Variants in PPARGC1A observed in about 807,000 individuals in gnomAD.
PPARGC1A encodes the protein peroxisome proliferator-activated receptor gamma coactivator 1-alpha.
In PPARGC1A, 25 loss-of-function variants were observed where a neutral mutation model predicts 88.7. The ratio of observed to expected loss-of-function variants is 0.28; its 90% CI spans 0.21 to 0.39. The LOEUF is 0.39. Among genes scored for constraint, PPARGC1A ranks in the 10% least tolerant of loss-of-function variants. The pLI is 1.00. For missense variants in PPARGC1A, 880 were observed against 968.7 expected (o/e 0.91, Z 1.22); for synonymous variants, 363 against 355.6 (o/e 1.02, Z -0.24).
At chr4:24,455,080 A>T in the PPARGC1A span, among the ~76,000 whole-genome samples, 9 of 152,234 alleles carry the variant, frequency 5.9e-5, no homozygotes, top group African/African-American at 2.2e-4. Flanking sequence ...GTAATGTCTA[A>T]AAAAACAAAT....
At chr4:24,185,999 G>GA in the PPARGC1A span, among the ~76,000 whole-genome samples, 20 of 150,986 alleles carry the variant, frequency 1.3e-4, no homozygotes, top group East Asian at 9.7e-4. Context: ...GGGGAAAAAA[G>GA]AAAAAAAAAT....
chr4:24,241,398 C>A, the PPARGC1A span, among the ~76,000 whole-genome samples: 1 of 152,198 alleles, frequency 6.6e-6, no homozygotes, highest in Non-Finnish European at 1.5e-5. Context: ...ACATTTTAAT[C>A]TTCCCTGGCC....
the PPARGC1A span, among the ~76,000 whole-genome samples, chr4:23,964,173 G>T: frequency 6.6e-6 from 1 of 152,146 alleles, no homozygotes; most frequent in Non-Finnish European, 1.5e-5. Flanking sequence ...TTAAATCTTT[G>T]CAACAACTCC....
the PPARGC1A span, among the ~76,000 whole-genome samples, chr4:23,941,887 C>T: frequency 6.6e-6 from 1 of 152,190 alleles, no homozygotes; most frequent in Non-Finnish European, 1.5e-5. Context: ...CCTTTTCCTG[C>T]TTACCTCTAC....
At chr4:24,433,611 T>A in the PPARGC1A span, among the ~76,000 whole-genome samples, 2 of 152,192 alleles carry the variant, frequency 1.3e-5, no homozygotes. Context: ...GCCTTTTAGA[T>A]AACGACTTTC....
the PPARGC1A span, among the ~76,000 whole-genome samples, chr4:24,268,370 C>T: frequency 6.6e-6 from 1 of 152,150 alleles, no homozygotes; most frequent in Admixed American, 6.6e-5. Context: ...TGCTTAAACC[C>T]TCTCTTGTCC....
At chr4:24,242,841 C>G in the PPARGC1A span, among the ~76,000 whole-genome samples, 1 of 152,216 alleles carries the variant, frequency 6.6e-6, no homozygotes, top group Non-Finnish European at 1.5e-5. Context: ...GGGATGCCAG[C>G]CCCTCACCAT....
chr4:24,095,538 T>C, the PPARGC1A span, among the ~76,000 whole-genome samples: 6 of 151,872 alleles, frequency 4.0e-5, no homozygotes, highest in Non-Finnish European at 8.8e-5. Flanking sequence ...CAGAGACAGA[T>C]GTAGACAGGG....
chr4:23,809,780 G>A (rs765587742), intron 10 of PPARGC1A, among the ~76,000 whole-genome samples: 8 of 151,960 alleles, frequency 5.3e-5, no homozygotes, highest in Non-Finnish European at 8.8e-5. Context: ...CAAATTAACC[G>A]TGTGGCTAAA....
At chr4:24,289,796 A>T in the PPARGC1A span, among the ~76,000 whole-genome samples, 151,448 of 152,258 alleles carry the variant, frequency 0.99, 75,332 homozygotes, top group Middle Eastern at 1. Flanking sequence ...AGCTTTTTTT[A>T]AATTTATCTC....
chr4:24,410,513 C>T, the PPARGC1A span, among the ~76,000 whole-genome samples: 1 of 152,158 alleles, frequency 6.6e-6, no homozygotes, highest in African/African-American at 2.4e-5. Context: ...TTGTGATGTT[C>T]AATACTGAGC....
At chr4:24,127,401 T>A in the PPARGC1A span, among the ~76,000 whole-genome samples, 4 of 152,062 alleles carry the variant, frequency 2.6e-5, no homozygotes, top group African/African-American at 9.7e-5. Context: ...TCTGAAGATT[T>A]TTTTATCACT....
chr4:24,375,795 T>C, the PPARGC1A span, among the ~76,000 whole-genome samples: 1 of 151,978 alleles, frequency 6.6e-6, no homozygotes, highest in Non-Finnish European at 1.5e-5. Context: ...ACGGAGGTAT[T>C]TAGGTTCAGG....
At chr4:23,980,240 T>C in the PPARGC1A span, among the ~76,000 whole-genome samples, 4 of 151,550 alleles carry the variant, frequency 2.6e-5, no homozygotes, top group Non-Finnish European at 5.9e-5. Flanking sequence ...CTTTATTTTC[T>C]TCCAAACTTG....
chr4:24,103,227 G>C, the PPARGC1A span, among the ~76,000 whole-genome samples: 5 of 152,098 alleles, frequency 3.3e-5, no homozygotes, highest in Non-Finnish European at 7.4e-5. Context: ...TTGGCCGAGT[G>C]GGTAGTTCCA....
chr4:24,014,127 T>C, the PPARGC1A span, among the ~76,000 whole-genome samples: 1 of 152,180 alleles, frequency 6.6e-6, no homozygotes, highest in Admixed American at 6.5e-5. Context: ...GCAACCTAAA[T>C]ACTTTTGTCA....
At chr4:24,204,169 A>G in the PPARGC1A span, among the ~76,000 whole-genome samples, 2,975 of 152,322 alleles carry the variant, frequency 0.02, 109 homozygotes, top group African/African-American at 0.067. Context: ...CATGATGTCA[A>G]TAAAACTCAC....
chr4:24,166,883 G>A, the PPARGC1A span, among the ~76,000 whole-genome samples: 217 of 152,266 alleles, frequency 1.4e-3, 1 homozygote, highest in African/African-American at 5.1e-3. Flanking sequence ...AATATACAAT[G>A]CTTCTCATAG....
At chr4:24,207,822 A>G in the PPARGC1A span, among the ~76,000 whole-genome samples, 1 of 152,252 alleles carries the variant, frequency 6.6e-6, no homozygotes, top group Non-Finnish European at 1.5e-5. Flanking sequence ...CTGAAACCAT[A>G]TAAACAAAGT....
Sources: allele counts gnomAD v4.1 joint callset (sites outside exome capture counted in the v4.1 genomes callset), GRCh38; gene constraint gnomAD v4.1.1; transcripts MANE v1.5; gene names NCBI Gene and HGNC (gene_info 2026-07-23, HGNC 2026-07-21).